Variants in SEZ6L observed in about 807,000 individuals in gnomAD.
SEZ6L encodes the protein seizure related 6 homolog like, also known as seizure 6-like protein.
In SEZ6L, 37 loss-of-function variants were observed where a neutral mutation model predicts 106.2. The ratio of observed to expected loss-of-function variants is 0.35; its 90% confidence interval spans 0.27 to 0.46. SEZ6L has a LOEUF of 0.46. SEZ6L is among the 20% of genes least tolerant of loss of function. SEZ6L has a pLI of 1.00. For missense variants in SEZ6L, 1,172 were observed against 1,332.8 expected, an observed-to-expected ratio of 0.88 and a Z score of 1.88; for synonymous variants, 541 against 570.4, an observed-to-expected ratio of 0.95 and a Z score of 0.73.
At chr22:26,223,966 A>G (rs2078562225) in intron 1 of SEZ6L, among the ~76,000 whole-genome samples, 2 of 152,220 alleles carry the variant, frequency 1.3e-5, no homozygotes, top group Admixed American at 1.3e-4. Context: ...ATGAAAATAT[A>G]TTCAATATTG....
Position 26,293,039 on chromosome 22 carries a change from T to G in SEZ6L, c.728T>G (p.Met243Arg). 6.2e-7 allele frequency: 1 copy of G among 1,614,054 alleles called. No homozygotes were observed. The highest frequency in any genetic ancestry group is 8.5e-7 in the Non-Finnish European group (1 of 1,179,992). Residue 243 changes from methionine (M) to arginine (R), a missense_variant, in exon 2 of 17, where the codon ATG becomes AGG. By Grantham distance (91) the Met-to-Arg change is moderately conservative. This residue lies in a region of SEZ6L where 494 missense variants were observed against 445.8 expected (regional missense o/e 1.11). Coordinates refer to ENST00000248933, the MANE Select transcript of SEZ6L (RefSeq NM_021115.5). ...GAGGACACCAGCCCCATGGCCCTGATGGACAAAGGTGAGAATGAGCTGACT... is the reference window on the plus strand; with the variant it reads ...GAGGACACCAGCCCCATGGCCCTGAGGGACAAAGGTGAGAATGAGCTGACT... ...PQEDTSPMALMDKGENELTGS... is the reference protein window; with the variant it reads ...PQEDTSPMALRDKGENELTGS...
Position 26,333,845 on chromosome 22 carries a change from GGGGT to G in SEZ6L, c.2016-6586_2016-6583del, listed in dbSNP as rs549966011. Among the ~76,000 whole-genome samples, 426 of 152,330 alleles carry G rather than the reference GGGGT, an allele frequency of 2.8e-3. 1 individual carries two copies. The highest frequency in any genetic ancestry group is 6.8e-3 in the Middle Eastern group (2 of 294). Reference sequence around the variant, plus strand: ...GTGAATCATGGAAGGCTGAAACTAAGGGGTGGGTAGGAGTTTCCCAGGTGGAGAA... The same window carrying G: ...GTGAATCATGGAAGGCTGAAACTAAGGGGTAGGAGTTTCCCAGGTGGAGAA... On this transcript the variant is annotated intron_variant, in intron 9 of 16. Transcript: ENST00000248933.
In SEZ6L at chr22:26,292,432, C is replaced by G; in HGVS notation, c.121C>G (p.Pro41Ala). The G allele has an allele frequency of 6.2e-7, 1 of 1,613,600 alleles. No homozygotes were observed. The highest frequency in any genetic ancestry group is 8.5e-7 in the Non-Finnish European group (1 of 1,179,782). Residue 41 changes from proline (P) to alanine (A), a missense_variant, in exon 2 of 17, where the codon CCT (proline) becomes GCT (alanine). Around this residue, in one of 4 missense-constraint regions of SEZ6L, gnomAD observed 494 missense variants for 445.8 expected, o/e 1.11. Transcript: ENST00000248933. ...TGCTCTTCCCGAGGGAGATGCTAGC[C>G]CTTTGGGTCCTTACCTCCTGCCCTC... ...RDALPEGDAS[P>A]LGPYLLPSGA...
In SEZ6L at chr22:26,268,360, C is replaced by A. The variant is rs200189110; in HGVS notation, c.95-24046C>A. Among the ~76,000 whole-genome samples the A allele has an allele frequency of 1.6e-4, 25 of 152,296 alleles. No individual in the cohort carries two copies. The East Asian group carries it at 4.6e-3, about 28-fold the overall frequency. ...AGGCATCTTGTTTAGCCTAGCCCCT[C>A]CACCCCTGCTTTACCTAAGGGGAAA... On this transcript the variant is annotated intron_variant, in intron 1 of 16. Coordinates refer to ENST00000248933, the MANE Select transcript of SEZ6L (RefSeq NM_021115.5).
intron 1 of SEZ6L, among the ~76,000 whole-genome samples, chr22:26,289,017 G>T (rs1052951881): frequency 3.3e-5 from 5 of 152,156 alleles, no homozygotes; most frequent in Admixed American, 3.3e-4. Flanking sequence ...TCAATTCCCT[G>T]GTCATTTCAA....
At chr22:26,294,498 G>A in intron 3 of SEZ6L, 73 bp downstream of exon 3, 2 of 1,508,372 alleles carry the variant, frequency 1.3e-6, no homozygotes, top group Non-Finnish European at 1.8e-6. Flanking sequence ...TCTGAGTCAG[G>A]CTTACTGTTA....
At chr22:26,351,798 C>T (rs1254889749) in intron 12 of SEZ6L, among the ~76,000 whole-genome samples, 2 of 152,118 alleles carry the variant, frequency 1.3e-5, no homozygotes, top group Non-Finnish European at 2.9e-5. Context: ...CCACCCGCCT[C>T]GGCCTCCCAA....
chr22:26,209,018 T>A (rs1941461151), intron 1 of SEZ6L, among the ~76,000 whole-genome samples: 1 of 152,158 alleles, frequency 6.6e-6, no homozygotes, highest in Non-Finnish European at 1.5e-5. Flanking sequence ...TATTTACACT[T>A]TCCTCTGTCA....
At chr22:26,270,338 A>T (rs1014851880) in intron 1 of SEZ6L, among the ~76,000 whole-genome samples, 4 of 152,106 alleles carry the variant, frequency 2.6e-5, no homozygotes, top group African/African-American at 9.7e-5. Context: ...CAATTTCCCC[A>T]ACTCTAAAAT....
intron 9 of SEZ6L, among the ~76,000 whole-genome samples, chr22:26,325,927 C>CCACACA (rs59284489): frequency 4.6e-4 from 68 of 149,394 alleles, no homozygotes; most frequent in African/African-American, 1.6e-3. Context: ...ATCACACACA[C>CCACACA]CACACACACA....
chr22:26,350,606 A>C (rs1303770119), intron 11 of SEZ6L, among the ~76,000 whole-genome samples: 1 of 151,926 alleles, frequency 6.6e-6, no homozygotes, highest in Non-Finnish European at 1.5e-5. Flanking sequence ...GCCACCTATC[A>C]ACAAAAGATA....
intron 14 of SEZ6L, 47 bp from the exon 15 acceptor site, chr22:26,375,528 G>C: frequency 6.6e-7 from 1 of 1,506,684 alleles, no homozygotes; most frequent in African/African-American, 1.4e-5. Flanking sequence ...CACTCACTGG[G>C]AGTCAGCTAC....
chr22:26,264,719 C>T (rs1364292048), intron 1 of SEZ6L, among the ~76,000 whole-genome samples: 1 of 152,110 alleles, frequency 6.6e-6, no homozygotes, highest in Non-Finnish European at 1.5e-5. Context: ...AAAGCAGGAC[C>T]ATGTTCCAGT....
intron 1 of SEZ6L, among the ~76,000 whole-genome samples, chr22:26,253,202 G>A (rs1020569723): frequency 2.6e-5 from 4 of 152,116 alleles, no homozygotes; most frequent in South Asian, 2.1e-4. Context: ...GGCTTTGAAC[G>A]AGGTCTTCCT....
chr22:26,203,688 C>A (rs1006077700), intron 1 of SEZ6L, among the ~76,000 whole-genome samples: 5 of 152,114 alleles, frequency 3.3e-5, no homozygotes, highest in Admixed American at 6.5e-5. Flanking sequence ...TTACTCCATG[C>A]TACAGTTAAA....
Position 26,227,583 on chromosome 22 carries a change from AT to A in SEZ6L, c.94+57836del, listed in dbSNP as rs11415829. ...CGCCATCATGCCCAGCTAATTTTTAATTTTTTTTTTTTTTTTGTAGAGACTG... is the reference window on the plus strand; with the variant it reads ...CGCCATCATGCCCAGCTAATTTTTAATTTTTTTTTTTTTTTGTAGAGACTG... On this transcript the variant is annotated intron_variant, in intron 1 of 16. Transcript: ENST00000248933. Among the ~76,000 whole-genome samples the A allele has an allele frequency of 4.4e-3, 615 of 139,980 alleles. 4 individuals are homozygous for A. Among genetic ancestry groups the A allele is most frequent in the African/African-American group, 6.3e-3 (236 of 37,504 alleles). The allele number at this position is 139,980 out of a possible 152,430, so 91.8% of individuals were successfully genotyped here. A position where few individuals can be genotyped will look rare whatever the true frequency, so the allele number is the denominator to read the frequency against.
chr22:26,382,175 C>A lies in SEZ6L; in HGVS notation c.*1880C>A, dbSNP rs563862116. ...GGCTGCTTTCCAGGACCCAAAGCCC[C>A]ATTTAATGCAAGAACCAGAGAAGTG... On this transcript the variant is annotated 3_prime_UTR_variant, in exon 17 of 17. Coordinates refer to ENST00000248933, the MANE Select transcript of SEZ6L (RefSeq NM_021115.5). 2.5e-6 allele frequency: 1 copy of A among 395,492 alleles called. No homozygotes were observed. The highest frequency in any genetic ancestry group is 5.0e-6 in the Non-Finnish European group (1 of 199,214). The allele number at this position is 395,492 out of a possible 1,614,324, so 24.5% of individuals were successfully genotyped here. A position where few individuals can be genotyped will look rare whatever the true frequency, so the allele number is the denominator to read the frequency against.
intron 1 of SEZ6L, among the ~76,000 whole-genome samples, chr22:26,273,669 G>A (rs910711265): frequency 1.5e-4 from 23 of 152,208 alleles, no homozygotes; most frequent in African/African-American, 4.8e-4. Flanking sequence ...CAGTGAGAAC[G>A]TTGACTCTGG....
intron 1 of SEZ6L, among the ~76,000 whole-genome samples, chr22:26,237,295 G>A (rs1413858955): frequency 6.6e-6 from 1 of 152,212 alleles, no homozygotes; most frequent in Non-Finnish European, 1.5e-5. Context: ...TTACACGCCT[G>A]TTTCCCACAA....
Sources: allele counts gnomAD v4.1 joint callset (sites outside exome capture counted in the v4.1 genomes callset), GRCh38; gene constraint gnomAD v4.1.1; regional missense constraint gnomAD v4.1.1; transcripts MANE v1.5; gene names NCBI Gene and HGNC (gene_info 2026-07-23, HGNC 2026-07-21).